EPB41L4A: variants seen among roughly 807,000 people sequenced by gnomAD.
The protein encoded by EPB41L4A is erythrocyte membrane protein band 4.1 like 4A.
A neutral mutation model predicts 108.6 loss-of-function variants in EPB41L4A; 100 were observed. The observed-to-expected ratio is 0.92, with a 90% CI of 0.78 to 1.09. The LOEUF (loss-of-function observed/expected upper bound fraction) is 1.09. Ranked by LOEUF, EPB41L4A falls within the 50% of genes least tolerant of loss-of-function variation. The pLI, the probability that EPB41L4A is intolerant of heterozygous loss-of-function variation, is 0.00. For missense variants in EPB41L4A, 1,030 were observed against 842.7 expected (o/e 1.22, Z -2.75); for synonymous variants, 319 against 289.0 (o/e 1.10, Z -1.05).
chr5:112,210,881 C>T (rs1180931764), intron 12 of EPB41L4A, among the ~76,000 whole-genome samples: 2 of 151,932 alleles, frequency 1.3e-5, no homozygotes, highest in Admixed American at 1.3e-4. Flanking sequence ...GTGTCTTCCT[C>T]GGAGCTACTC....
chr5:112,332,435 G>C (rs1460631041), intron 1 of EPB41L4A, among the ~76,000 whole-genome samples: 1 of 152,158 alleles, frequency 6.6e-6, no homozygotes, highest in African/African-American at 2.4e-5. Flanking sequence ...GAGTGTGAAA[G>C]GGTCTGCCAT....
intron 1 of EPB41L4A, among the ~76,000 whole-genome samples, chr5:112,352,218 G>A (rs1758087938): frequency 6.6e-6 from 1 of 152,132 alleles, no homozygotes; most frequent in South Asian, 2.1e-4. Flanking sequence ...ACATCATTAG[G>A]TTATATGAAA....
At chr5:112,419,525 C>T (rs549030243), upstream of EPB41L4A, 1 of 414,786 alleles carries the variant, frequency 2.4e-6, no homozygotes, top group African/African-American at 2.0e-5. Flanking sequence ...TCCGATCGGC[C>T]TGCGGAGTCC....
chr5:112,406,097 A>G (rs1473960213), intron 1 of EPB41L4A, among the ~76,000 whole-genome samples: 3 of 152,214 alleles, frequency 2.0e-5, no homozygotes, highest in East Asian at 3.8e-4. Context: ...ACAGTGTCTG[A>G]AAGAAAAAGA....
chr5:112,350,520 G>A (rs557137943), intron 1 of EPB41L4A, among the ~76,000 whole-genome samples: 1 of 152,268 alleles, frequency 6.6e-6, no homozygotes, highest in South Asian at 2.1e-4. Context: ...GAAATATACA[G>A]CACAATTGTT....
At chr5:112,359,900 T>C (rs769925108) in intron 1 of EPB41L4A, among the ~76,000 whole-genome samples, 13 of 152,242 alleles carry the variant, frequency 8.5e-5, no homozygotes, top group Non-Finnish European at 1.8e-4. Context: ...TGAATAATTA[T>C]GATACAGCAT....
At chr5:112,346,958 G>A (rs1010278517) in intron 1 of EPB41L4A, among the ~76,000 whole-genome samples, 3 of 152,068 alleles carry the variant, frequency 2.0e-5, no homozygotes, top group Non-Finnish European at 4.4e-5. Context: ...GGGAGTAGGC[G>A]CCCAATATTT....
At chr5:112,396,378 C>G (rs1761352890) in intron 1 of EPB41L4A, among the ~76,000 whole-genome samples, 1 of 152,118 alleles carries the variant, frequency 6.6e-6, no homozygotes, top group African/African-American at 2.4e-5. Context: ...TGAGTTTTTA[C>G]TTCAGTTTTA....
chr5:112,256,141 G>C (rs989506623), intron 9 of EPB41L4A, among the ~76,000 whole-genome samples: 2 of 152,152 alleles, frequency 1.3e-5, no homozygotes, highest in East Asian at 1.9e-4. Context: ...TGTTGAATGA[G>C]TAAACAAGTA....
downstream of EPB41L4A, chr5:112,162,527 C>G (rs900685949): frequency 9.9e-5 from 15 of 152,200 alleles, no homozygotes; most frequent in Non-Finnish European, 2.1e-4. Context: ...GTGTGCTTTA[C>G]TGCACTCAAT....
At chr5:112,217,889 T>C (rs1426339262) in intron 12 of EPB41L4A, among the ~76,000 whole-genome samples, 1 of 152,056 alleles carries the variant, frequency 6.6e-6, no homozygotes, top group East Asian at 1.9e-4. Context: ...TAGGAAAACA[T>C]GTCTATGCAT....
At chr5:112,251,030 C>T (rs1750627289) in intron 9 of EPB41L4A, among the ~76,000 whole-genome samples, 1 of 152,174 alleles carries the variant, frequency 6.6e-6, no homozygotes, top group Non-Finnish European at 1.5e-5. Flanking sequence ...TTTATTTGAT[C>T]ACATGTCTAA....
At chr5:112,417,935 G>C (rs377529234) in intron 1 of EPB41L4A, among the ~76,000 whole-genome samples, 10 of 152,224 alleles carry the variant, frequency 6.6e-5, no homozygotes, top group African/African-American at 2.4e-4. Flanking sequence ...TTCACAAAAG[G>C]AAATGCCCAG....
intron 12 of EPB41L4A, among the ~76,000 whole-genome samples, chr5:112,216,345 C>T (rs1003664469): frequency 6.6e-6 from 1 of 152,144 alleles, no homozygotes; most frequent in Non-Finnish European, 1.5e-5. Flanking sequence ...CAACATAAAT[C>T]AAATCTTTGA....
At chr5:112,419,558 C>T, upstream of EPB41L4A, 1 of 439,188 alleles carries the variant, frequency 2.3e-6, no homozygotes, top group South Asian at 1.6e-5. Context: ...CACTTCCAGC[C>T]GCGACCCCGC....
downstream of EPB41L4A, chr5:112,162,075 A>G (rs1441580460): frequency 6.6e-6 from 1 of 152,250 alleles, no homozygotes; most frequent in East Asian, 1.9e-4. Flanking sequence ...AATCGCAGGC[A>G]TATTACCAAG....
At chr5:112,345,776 TATATAC>T (rs1219088539) in intron 1 of EPB41L4A, among the ~76,000 whole-genome samples, 296 of 39,710 alleles carry the variant, frequency 7.5e-3, no homozygotes, top group Middle Eastern at 0.025. Flanking sequence ...TACATATATA[TATATAC>T]ACACACACAC....
At chr5:112,161,235 G>T (rs367573777), downstream of EPB41L4A, 5 of 283,796 alleles carry the variant, frequency 1.8e-5, no homozygotes, top group South Asian at 1.6e-4. Context: ...TAAAAGCAGC[G>T]TGCCTGGTTA....
intron 9 of EPB41L4A, among the ~76,000 whole-genome samples, chr5:112,244,493 A>G (rs1238928633): frequency 6.6e-6 from 1 of 152,154 alleles, no homozygotes; most frequent in African/African-American, 2.4e-5. Flanking sequence ...GAGAAAGAGA[A>G]AGAGACGTCT....
Sources: gnomAD v4.1 joint callset for allele counts (sites outside exome capture counted in the v4.1 genomes callset) on GRCh38, gnomAD v4.1.1 for gene constraint, MANE v1.5 for transcripts, NCBI Gene and HGNC (gene_info 2026-07-23, HGNC 2026-07-21) for gene names.